OGDH: variants seen among roughly 807,000 people sequenced by gnomAD.
OGDH encodes the protein oxoglutarate dehydrogenase, also known as 2-oxoglutarate dehydrogenase complex component E1.
OGDH carries 38 observed loss-of-function variants against 116.6 expected under a neutral mutation model. The observed-to-expected ratio is 0.33, with a 90% CI of 0.25 to 0.43. The LOEUF (loss-of-function observed/expected upper bound fraction) is 0.43. Ranked by LOEUF, OGDH falls within the 20% of genes least tolerant of loss-of-function variation. The probability of loss-of-function intolerance (pLI) is 1.00; values close to 1 mark genes in which losing one functional copy is unlikely to be tolerated. For synonymous variants in OGDH, 488 were observed against 533.3 expected (o/e 0.92, Z 1.17); for missense variants, 825 against 1,357.2 (o/e 0.61, Z 6.16).
intron 4 of OGDH, among the ~76,000 whole-genome samples, chr7:44,661,314 CCTTTA>C (rs1441485434): frequency 6.6e-6 from 1 of 152,022 alleles, no homozygotes; most frequent in Non-Finnish European, 1.5e-5. Context: ...TTTTTTCCTC[CCTTTA>C]CTTCAACTTG....
intron 1 of OGDH, among the ~76,000 whole-genome samples, chr7:44,614,690 A>G (rs936906519): frequency 6.6e-6 from 1 of 152,060 alleles, no homozygotes; most frequent in Admixed American, 6.6e-5. Context: ...CATTTGTTTC[A>G]AGCATGTTCA....
At chr7:44,624,696 C>A in intron 2 of OGDH, 131 bp downstream of exon 2, 1 of 762,586 alleles carries the variant, frequency 1.3e-6, no homozygotes, top group East Asian at 2.5e-5. Context: ...TACCAACCAC[C>A]GTATCTGTAT....
intron 1 of OGDH, among the ~76,000 whole-genome samples, chr7:44,618,622 A>G (rs976546388): frequency 2.0e-5 from 3 of 152,236 alleles, no homozygotes; most frequent in Non-Finnish European, 4.4e-5. Flanking sequence ...AAACAGCTTC[A>G]GAGTGATAAA....
chr7:44,674,873 G>T (rs1562661798), intron 7 of OGDH: 2 of 533,188 alleles, frequency 3.8e-6, no homozygotes, highest in Non-Finnish European at 6.8e-6. Context: ...GCTGCTTCCT[G>T]ACATTGAAGG....
chr7:44,689,355 A>T (rs1171545869), intron 10 of OGDH, among the ~76,000 whole-genome samples: 2 of 143,050 alleles, frequency 1.4e-5, no homozygotes, highest in Non-Finnish European at 3.0e-5. Flanking sequence ...AGCTGGGATT[A>T]CAGGCACGCA....
chr7:44,627,158 G>A (rs561821190), intron 2 of OGDH, among the ~76,000 whole-genome samples: 40 of 152,192 alleles, frequency 2.6e-4, no homozygotes, highest in South Asian at 6.2e-4. Context: ...CACCACGCCC[G>A]GCTAATTTTT....
chr7:44,671,798 G>A (rs575998259), intron 5 of OGDH, among the ~76,000 whole-genome samples: 114 of 146,658 alleles, frequency 7.8e-4, no homozygotes, highest in Non-Finnish European at 1.2e-3. Context: ...TGCCAGACGC[G>A]GTGGCTCACG....
At position 44,707,995 on chromosome 7, in the gene OGDH, C is replaced by A. The variant is rs575729581; in HGVS notation, c.3068C>A (p.Ser1023Ter). The A allele has an allele frequency of 6.2e-7, 1 of 1,612,856 alleles. No individual in the cohort carries two copies. Among genetic ancestry groups the A allele is most frequent in the Non-Finnish European group, 8.5e-7 (1 of 1,179,812 alleles). ...GACCTGGACGTCTTCAAGAACTTCTCGTAGATGCTGCCTAGGGTTGCTTGG... is the reference window on the plus strand; with the variant it reads ...GACCTGGACGTCTTCAAGAACTTCTAGTAGATGCTGCCTAGGGTTGCTTGG... ...AFDLDVFKNF[S>*] Residue 1023 changes from serine (S) to a stop codon, truncating the protein, a stop_gained, in exon 23 of 23, where the codon TCG becomes TAG. Transcript: ENST00000222673. LOFTEE classifies it high-confidence loss of function. The surrounding 1 kb of genome is among the most constrained non-coding windows in gnomAD (Gnocchi z 5.2).
chr7:44,607,867 AATTTTTGT>A (rs1188069252), intron 1 of OGDH, among the ~76,000 whole-genome samples: 2 of 151,916 alleles, frequency 1.3e-5, no homozygotes, highest in African/African-American at 4.8e-5. Context: ...ACGCCCGGCT[AATTTTTGT>A]ATTTTTAGTA....
chr7:44,622,817 G>A (rs1352135813), intron 1 of OGDH: 1 of 152,130 alleles, frequency 6.6e-6, no homozygotes, highest in African/African-American at 2.4e-5. Flanking sequence ...CAGCGTCCTT[G>A]TGAACTTTCC....
intron 10 of OGDH, among the ~76,000 whole-genome samples, chr7:44,686,057 TGAGG>T (rs1788113683): frequency 3.9e-5 from 6 of 152,030 alleles, no homozygotes; most frequent in African/African-American, 4.8e-5. Context: ...TTTTTTTTTT[TGAGG>T]ATTCTTTCTG....
At chr7:44,655,055 A>G (rs1397288908) in intron 4 of OGDH, among the ~76,000 whole-genome samples, 1 of 152,222 alleles carries the variant, frequency 6.6e-6, no homozygotes, top group Non-Finnish European at 1.5e-5. Flanking sequence ...AAGTACAGAT[A>G]AAAGAGCATT....
intron 4 of OGDH, among the ~76,000 whole-genome samples, chr7:44,654,105 T>C (rs949690261): frequency 2.0e-5 from 3 of 152,202 alleles, no homozygotes; most frequent in Non-Finnish European, 4.4e-5. Context: ...TCCACCTGCT[T>C]TGGTCTCCCA....
rs548619464 is a variant in OGDH at position 44,693,165 on chromosome 7, A to G, written c.1336-660A>G. ...CTACTAAAAATAACAAAAATTAGCCAGGCATGGTGGTGCGTGCCTGTATTC... is the reference window on the plus strand; with the variant it reads ...CTACTAAAAATAACAAAAATTAGCCGGGCATGGTGGTGCGTGCCTGTATTC... On this transcript the variant is annotated intron_variant, in intron 10 of 22. Coordinates refer to ENST00000222673, the MANE Select transcript of OGDH (RefSeq NM_002541.4). 1.9e-4 allele frequency among the ~76,000 whole-genome samples: 29 copies of G among 152,270 alleles called. No homozygotes were observed. In the East Asian group the frequency reaches 5.6e-3, roughly 29 times the overall value.
At chr7:44,680,524 CAT>C (rs1334083095) in intron 9 of OGDH, among the ~76,000 whole-genome samples, 4 of 148,864 alleles carry the variant, frequency 2.7e-5, no homozygotes, top group African/African-American at 1.0e-4. Context: ...AATACAAACT[CAT>C]AGTTTTATTG....
intron 4 of OGDH, among the ~76,000 whole-genome samples, chr7:44,648,952 G>A (rs925504188): frequency 2.0e-5 from 3 of 152,022 alleles, no homozygotes; most frequent in Non-Finnish European, 4.4e-5. Flanking sequence ...CAGTGTCCCC[G>A]GAGGTCTTGG....
At chr7:44,682,495 C>T (rs963920460) in intron 10 of OGDH, among the ~76,000 whole-genome samples, 1 of 151,174 alleles carries the variant, frequency 6.6e-6, no homozygotes, top group Non-Finnish European at 1.5e-5. Context: ...GCCAGGAGTT[C>T]GAGACCAGCC....
rs1789172797 is a variant in OGDH at position 44,708,205 on chromosome 7, GCT to G, written c.*207_*208del. ...ACAGGCCACACGCTGCCCAGGCTCT[GCT>G]GACTTCTGAGCAGTTTTCCAGGAGG... On this transcript the variant is annotated 3_prime_UTR_variant, in exon 23 of 23. Transcript: ENST00000222673. 1 of 646,022 alleles carries G rather than the reference GCT, an allele frequency of 1.5e-6. No homozygotes were observed. Among genetic ancestry groups the G allele is most frequent in the African/African-American group, 1.8e-5 (1 of 54,306 alleles). The allele number at this position is 646,022 out of a possible 1,614,324, so 40.0% of individuals were successfully genotyped here.
At chr7:44,647,558 A>C (rs1160359364) in intron 3 of OGDH, 99 bp from the exon 4 acceptor site, 14 of 1,555,152 alleles carry the variant, frequency 9.0e-6, no homozygotes, top group Non-Finnish European at 1.1e-5. Flanking sequence ...TGTAAATGCT[A>C]ATTTTAATGT....
Sources: allele counts gnomAD v4.1 joint callset (sites outside exome capture counted in the v4.1 genomes callset), GRCh38; gene constraint gnomAD v4.1.1; non-coding constraint Gnocchi (gnomAD v3.1); transcripts MANE v1.5; gene names NCBI Gene and HGNC (gene_info 2026-07-23, HGNC 2026-07-21).